CDH23: variants seen among roughly 807,000 people sequenced by gnomAD.
The protein encoded by CDH23 is cadherin-23.
In CDH23, 189 loss-of-function variants were observed where a neutral mutation model predicts 317.1. That is an observed-to-expected ratio of 0.60 (90% CI 0.53 to 0.67). CDH23 has a LOEUF of 0.67. Ranked by LOEUF, CDH23 falls within the 30% of genes least tolerant of loss-of-function variation. The probability of loss-of-function intolerance (pLI) is 0.00; values close to 1 mark genes in which losing one functional copy is unlikely to be tolerated. For missense variants in CDH23, 4,401 were observed against 4,592.4 expected (o/e 0.96, Z 1.20); for synonymous variants, 1,839 against 1,876.8 (o/e 0.98, Z 0.52).
rs1841467615 is a variant in CDH23 at position 71,798,525 on chromosome 10, C to T, written c.7001C>T (p.Thr2334Ile). 1 of 1,613,724 alleles carries T rather than the reference C, an allele frequency of 6.2e-7. No individual in the cohort carries two copies. The highest frequency in any genetic ancestry group is 8.5e-7 in the Non-Finnish European group (1 of 1,179,746). ...DKGLNGLVTY[T>I]LLDLVPPGYV... is the part of the protein sequence containing the mutation. Reference sequence around the variant, plus strand: ...GGCCTTAATGGGCTGGTCACCTACACCCTGCTGGACCTGGTGCCCCCAGGG... The same window carrying T: ...GGCCTTAATGGGCTGGTCACCTACATCCTGCTGGACCTGGTGCCCCCAGGG... Residue 2334 changes from threonine to isoleucine, a missense_variant, in exon 50 of 70, where the codon ACC becomes ATC. By Grantham distance (89) the Thr-to-Ile change is moderately conservative (BLOSUM62 -1). Coordinates refer to ENST00000224721, the MANE Select transcript of CDH23 (RefSeq NM_022124.6).
Position 71,675,131 on chromosome 10 carries a change from G to A in CDH23, c.1469G>A (p.Gly490Asp), listed in dbSNP as rs1227049. The A allele has an allele frequency of 3.1e-6, 5 of 1,613,678 alleles. No homozygotes were observed. The highest frequency in any genetic ancestry group is 1.3e-5 in the African/African-American group (1 of 74,898). Residue 490 changes from glycine to aspartate, a missense_variant, in exon 15 of 70, where the codon GGC becomes GAC. Gly to Asp is a moderately conservative substitution (Grantham distance 94). Coordinates refer to ENST00000224721, the MANE Select transcript of CDH23 (RefSeq NM_022124.6). ...TTGCAGGCAACTGACAATGATGCAG[G>A]CACCTTTGGGGAAGTCAGCTACTTC... ...LTVLATDNDA[G>D]TFGEVSYFFS...
chr10:71,693,097 C>G (rs1308358707), intron 20 of CDH23, among the ~76,000 whole-genome samples: 1 of 152,348 alleles, frequency 6.6e-6, no homozygotes, highest in East Asian at 1.9e-4. Flanking sequence ...TCTCCCATGG[C>G]TGATGCAAGA....
At chr10:71,636,414 G>C (rs1862279441) in intron 11 of CDH23, among the ~76,000 whole-genome samples, 1 of 152,148 alleles carries the variant, frequency 6.6e-6, no homozygotes, top group Non-Finnish European at 1.5e-5. Flanking sequence ...CCAGCTACTT[G>C]AGAGGATTGC....
chr10:71,460,903 G>T (rs912815783), intron 3 of CDH23, among the ~76,000 whole-genome samples: 3 of 152,166 alleles, frequency 2.0e-5, no homozygotes, highest in Non-Finnish European at 4.4e-5. Context: ...ACATCTCTTT[G>T]GTTTCTTACA....
intron 3 of CDH23, among the ~76,000 whole-genome samples, chr10:71,495,457 G>T (rs933913282): frequency 3.3e-5 from 5 of 152,164 alleles, no homozygotes; most frequent in Admixed American, 6.5e-5. Flanking sequence ...TGGCTAAGGG[G>T]TGGACAGCAG....
chr10:71,812,447 T>G, intron 66 of CDH23, 33 bp from the exon 67 acceptor site: 6 of 901,030 alleles, frequency 6.7e-6, no homozygotes, highest in Non-Finnish European at 1.0e-5. Context: ...GAGCCTTCCC[T>G]CCCTCCCCAC....
chr10:71,425,981 A>G (rs1248496668), intron 1 of CDH23, among the ~76,000 whole-genome samples: 7 of 152,114 alleles, frequency 4.6e-5, no homozygotes, highest in Admixed American at 1.3e-4. Flanking sequence ...CAAAGGAGAG[A>G]AGAAGGTGGA....
chr10:71,612,745 G>A (rs1456947306), intron 9 of CDH23, among the ~76,000 whole-genome samples: 1 of 152,214 alleles, frequency 6.6e-6, no homozygotes, highest in African/African-American at 2.4e-5. Context: ...CTGAGCCTTA[G>A]GGGCTCAGAG....
chr10:71,801,150 C>CTT (rs386371783), intron 53 of CDH23, among the ~76,000 whole-genome samples: 8,139 of 73,984 alleles, frequency 0.11, 741 homozygotes, highest in East Asian at 0.25. Context: ...CTCTCTCTCT[C>CTT]TTTTTTTTTT....
chr10:71,750,641 C>A (rs1483770578), intron 38 of CDH23: 1 of 152,452 alleles, frequency 6.6e-6, no homozygotes, highest in Non-Finnish European at 1.5e-5. Context: ...GGAATGCAGG[C>A]AGTGGAAGCC....
intron 11 of CDH23, 40 bp from the exon 12 acceptor site, chr10:71,643,821 C>T (rs976099648): frequency 1.3e-6 from 1 of 765,848 alleles, no homozygotes; most frequent in Middle Eastern, 2.3e-4. Flanking sequence ...CTCCTTCTGT[C>T]TGTCTCCATA....
At chr10:71,811,889 C>T in intron 65 of CDH23, 66 bp from the exon 66 acceptor site, 2 of 1,606,414 alleles carry the variant, frequency 1.2e-6, no homozygotes, top group Admixed American at 1.7e-5. Flanking sequence ...CCTCCCTCAC[C>T]CCCCAACACC....
chr10:71,695,516 T>C lies in CDH23; in HGVS notation c.2388T>C (p.Asp796=), dbSNP rs3752751. 1,089,806 of 1,609,042 alleles carry C rather than the reference T, an allele frequency of 0.68. 374,173 individuals carry two copies. The highest frequency in any genetic ancestry group is 0.71 in the Non-Finnish European group (836,594 of 1,175,608). Residue 796 remains aspartate, a synonymous_variant, in exon 22 of 70, where the codon GAT becomes GAC. Transcript: ENST00000224721. ...TGGAGATGACCCCTCCAGACTCTGA[T>C]GTGACCACGGTAGGTGGTGGCAGAG... The part of the protein sequence containing the change: ...NLVEMTPPDS[D]VTTVVAVDPD...
In CDH23 at chr10:71,476,226, A is replaced by G. The variant is rs147217270; in HGVS notation, c.145+29831A>G. Among the ~76,000 whole-genome samples, 11 of 152,210 alleles carry G rather than the reference A, an allele frequency of 7.2e-5. No homozygotes were observed. In the East Asian group the frequency reaches 2.1e-3, roughly 29 times the overall value. Reference sequence around the variant, plus strand: ...GTTCATGGCTGCATCTTTCATGCACATGCCCCCGTCCCCACCCCTTCATGC... The same window carrying G: ...GTTCATGGCTGCATCTTTCATGCACGTGCCCCCGTCCCCACCCCTTCATGC... On this transcript the variant is annotated intron_variant, in intron 3 of 69. Coordinates refer to ENST00000224721, the MANE Select transcript of CDH23 (RefSeq NM_022124.6).
chr10:71,500,038 A>T (rs1241223139), intron 3 of CDH23, among the ~76,000 whole-genome samples: 1 of 149,686 alleles, frequency 6.7e-6, no homozygotes, highest in Admixed American at 6.6e-5. Flanking sequence ...AAAAAAAAAA[A>T]GGATAGTGCT....
chr10:71,636,578 A>G (rs941829755), intron 11 of CDH23, among the ~76,000 whole-genome samples: 36 of 152,152 alleles, frequency 2.4e-4, no homozygotes, highest in Admixed American at 2.4e-3. Context: ...CAAGCTTCCC[A>G]TGTGGTAGAT....
intron 14 of CDH23, among the ~76,000 whole-genome samples, chr10:71,663,182 C>G (rs1474585989): frequency 6.6e-6 from 1 of 152,188 alleles, no homozygotes; most frequent in East Asian, 1.9e-4. Context: ...TTTGGGAGGT[C>G]ACCATTCAAC....
intron 6 of CDH23, among the ~76,000 whole-genome samples, chr10:71,517,520 T>C (rs1322239337): frequency 6.6e-6 from 1 of 151,884 alleles, no homozygotes; most frequent in African/African-American, 2.4e-5. Context: ...AGATGCTGAA[T>C]GATTTATAAA....
intron 1 of CDH23, among the ~76,000 whole-genome samples, chr10:71,405,253 C>T (rs540451612): frequency 1.3e-5 from 2 of 152,240 alleles, no homozygotes; most frequent in South Asian, 2.1e-4. Flanking sequence ...TGTTCCTTCT[C>T]CTGCTCCGAA....
Sources: gnomAD v4.1 joint callset for allele counts (sites outside exome capture counted in the v4.1 genomes callset) on GRCh38, gnomAD v4.1.1 for gene constraint, MANE v1.5 for transcripts, NCBI Gene and HGNC (gene_info 2026-07-23, HGNC 2026-07-21) for gene names.